The following DMD variants were observed in gnomAD, a reference collection of about 807,000 sequenced individuals.
DMD encodes dystrophin, also known as mutant dystrophin.
Under a neutral mutation model 330.1 loss-of-function variants are expected in DMD, and 63 were observed. The ratio of observed to expected loss-of-function variants is 0.19; its 90% CI spans 0.16 to 0.24. DMD has a LOEUF of 0.24. Among genes scored for constraint, DMD ranks in the 10% least tolerant of loss-of-function variants. DMD has a pLI of 1.00. For missense variants in DMD, 3,344 were observed against 2,684.1 expected (o/e 1.25, Z -5.43); for synonymous variants, 1,223 against 959.8 (o/e 1.27, Z -5.07).
intron 25 of DMD, among the ~76,000 whole-genome samples, chrX:32,457,682 A>T (rs773314448): frequency 1.1e-5 from 1 of 88,928 alleles, no homozygotes; most frequent in East Asian, 3.9e-4. Context: ...GATTGCTTAT[A>T]TTTTCTCGGT....
At chrX:31,530,860 A>G (rs1361753104) in intron 55 of DMD, among the ~76,000 whole-genome samples, 20 of 45,666 alleles carry the variant, frequency 4.4e-4, no homozygotes, top group Non-Finnish European at 5.3e-4. Flanking sequence ...AGAGTGTGAT[A>G]TTCCCCTTCC....
intron 60 of DMD, among the ~76,000 whole-genome samples, chrX:31,377,052 C>T (rs749407102): frequency 8.9e-6 from 1 of 112,102 alleles, no homozygotes; most frequent in South Asian, 3.7e-4. Flanking sequence ...ACTCGTTACA[C>T]AAAAAGATTT....
chrX:32,574,237 T>C lies in DMD; in HGVS notation c.1603-391A>G, dbSNP rs542639956. On this transcript the variant is annotated intron_variant, in intron 13 of 78. Coordinates refer to ENST00000357033, the MANE Select transcript of DMD (RefSeq NM_004006.3). Reference sequence around the variant, plus strand: ...ATAAAAGTCTAACTACTAAATAGAATGCCTCAAAAGACTCTTAATTGAAAC... The same window carrying C: ...ATAAAAGTCTAACTACTAAATAGAACGCCTCAAAAGACTCTTAATTGAAAC... Among the ~76,000 whole-genome samples the C allele has an allele frequency of 7.1e-5, 8 of 112,169 alleles. No individual in the cohort carries two copies. The South Asian group carries it at 3.0e-3, about 42-fold the overall frequency.
chrX:31,216,740 C>A (rs1020066573), intron 64 of DMD, among the ~76,000 whole-genome samples: 1 of 111,185 alleles, frequency 9.0e-6, no homozygotes, highest in African/African-American at 3.3e-5. Flanking sequence ...GCAACTGAAG[C>A]CTATCTAATG....
At chrX:31,225,306 G>A (rs1047642071) in intron 63 of DMD, among the ~76,000 whole-genome samples, 3 of 112,192 alleles carry the variant, frequency 2.7e-5, no homozygotes, top group Non-Finnish European at 3.8e-5. Context: ...TGCCACAGGC[G>A]GCCACTGTAA....
intron 9 of DMD, among the ~76,000 whole-genome samples, chrX:32,664,696 A>C: frequency 8.9e-6 from 1 of 112,059 alleles, no homozygotes; most frequent in Non-Finnish European, 1.9e-5. Flanking sequence ...GGTGTTAGTA[A>C]ATTTAGTTTT....
At chrX:31,178,471 T>C (rs2040792225) in intron 70 of DMD, 198 bp downstream of exon 70, 2 of 941,542 alleles carry the variant, frequency 2.1e-6, no homozygotes, top group South Asian at 8.6e-5. Flanking sequence ...AAAGTTTAAC[T>C]TTTGGAAAAA....
At chrX:32,454,211 T>C (rs1482789704) in intron 26 of DMD, among the ~76,000 whole-genome samples, 1 of 111,346 alleles carries the variant, frequency 9.0e-6, no homozygotes, top group Non-Finnish European at 1.9e-5. Flanking sequence ...TTTCTATCCA[T>C]ATTAAAGGCT....
intron 55 of DMD, among the ~76,000 whole-genome samples, chrX:31,507,817 C>T (rs1164373754): frequency 9.0e-6 from 1 of 111,137 alleles, no homozygotes; most frequent in Non-Finnish European, 1.9e-5. Flanking sequence ...TAAAGTGTAC[C>T]CCAGTGCCAA....
chrX:31,876,319 GC>G (rs1387614481), intron 47 of DMD, among the ~76,000 whole-genome samples: 1 of 111,762 alleles, frequency 8.9e-6, no homozygotes, highest in Non-Finnish European at 1.9e-5. Flanking sequence ...CTAGAGTTAG[GC>G]CACTTGGATT....
chrX:32,807,122 T>TAAAAAAAAAAAAAAAA (rs999286386), intron 7 of DMD, among the ~76,000 whole-genome samples: 2 of 20,744 alleles, frequency 9.6e-5, no homozygotes, highest in African/African-American at 4.4e-4. Flanking sequence ...CGGAAACATT[T>TAAAAAAAAAAAAAAAA]AAAAAAAAAA....
At chrX:31,995,043 G>T (rs188194784) in intron 44 of DMD, among the ~76,000 whole-genome samples, 1 of 112,070 alleles carries the variant, frequency 8.9e-6, no homozygotes, top group Admixed American at 9.5e-5. Context: ...AATACGAGAA[G>T]GCTCCCCTGA....
chrX:32,433,668 A>C (rs902290588), intron 29 of DMD, among the ~76,000 whole-genome samples: 10 of 110,852 alleles, frequency 9.0e-5, no homozygotes, highest in African/African-American at 3.3e-4. Flanking sequence ...ACAGGGAAAG[A>C]CTCCATCTCA....
At chrX:32,517,902 A>G in intron 18 of DMD, 106 bp downstream of exon 18, 1 of 886,503 alleles carries the variant, frequency 1.1e-6, no homozygotes, top group South Asian at 2.0e-5. Context: ...ACAGCATTTT[A>G]TCATATCGCA....
At chrX:31,378,671 C>G (rs771652211) in intron 60 of DMD, among the ~76,000 whole-genome samples, 5 of 109,458 alleles carry the variant, frequency 4.6e-5, no homozygotes, top group Non-Finnish European at 9.5e-5. Context: ...CTCTCCATGT[C>G]TCTACCCCTT....
chrX:32,381,071 A>G (rs1048411542), intron 33 of DMD, among the ~76,000 whole-genome samples: 1 of 111,735 alleles, frequency 8.9e-6, no homozygotes, highest in Non-Finnish European at 1.9e-5. Context: ...AATCCTCTAT[A>G]TACAAGTGAG....
chrX:31,266,955 G>T (rs968689942), intron 62 of DMD: 2 of 1,082,339 alleles, frequency 1.8e-6, no homozygotes, highest in African/African-American at 1.9e-5. Context: ...AAAGCACTGC[G>T]GAGGAGCCGG....
chrX:32,798,262 G>A (rs903361477), intron 7 of DMD, among the ~76,000 whole-genome samples: 3 of 112,019 alleles, frequency 2.7e-5, no homozygotes, highest in Non-Finnish European at 5.6e-5. Flanking sequence ...CAACTGAAAT[G>A]GATAAGGAGA....
intron 18 of DMD, among the ~76,000 whole-genome samples, chrX:32,516,189 A>G (rs1046420789): frequency 1.8e-5 from 2 of 112,044 alleles, no homozygotes; most frequent in African/African-American, 6.5e-5. Context: ...ATGTAGTAAG[A>G]AAATTAATGG....
Sources: gnomAD v4.1 joint callset for allele counts (sites outside exome capture counted in the v4.1 genomes callset) on GRCh38, gnomAD v4.1.1 for gene constraint, MANE v1.5 for transcripts, NCBI Gene and HGNC (gene_info 2026-07-23, HGNC 2026-07-21) for gene names.